Variants in FSIP1 observed in about 807,000 individuals in gnomAD.
The protein encoded by FSIP1 is fibrous sheath-interacting protein 1.
Under a neutral mutation model 60.9 loss-of-function variants are expected in FSIP1, and 65 were observed. That is an observed-to-expected ratio of 1.07 (90% CI 0.87 to 1.31). The LOEUF (loss-of-function observed/expected upper bound fraction) is 1.31, where lower values mean the gene tolerates loss of function less well. FSIP1 is among the 40% of genes most tolerant of loss of function. The pLI, the probability that FSIP1 is intolerant of heterozygous loss-of-function variation, is 0.00. For missense variants in FSIP1, 675 were observed against 665.5 expected, an observed-to-expected ratio of 1.01 and a Z score of -0.16; for synonymous variants, 209 against 221.2, an observed-to-expected ratio of 0.94 and a Z score of 0.49.
At chr15:39,630,604 C>A (rs1891843164) in intron 10 of FSIP1, among the ~76,000 whole-genome samples, 2 of 152,234 alleles carry the variant, frequency 1.3e-5, no homozygotes, top group Non-Finnish European at 2.9e-5. Context: ...CCATTTACCT[C>A]TTCCAACTAC....
chr15:39,652,140 C>A (rs1892897243), intron 10 of FSIP1, among the ~76,000 whole-genome samples: 1 of 152,184 alleles, frequency 6.6e-6, no homozygotes, highest in South Asian at 2.1e-4. Flanking sequence ...CTCCATAGTT[C>A]CCTTCCAGCT....
chr15:39,734,799 T>G (rs1896546199), intron 8 of FSIP1, among the ~76,000 whole-genome samples: 1 of 152,044 alleles, frequency 6.6e-6, no homozygotes, highest in Non-Finnish European at 1.5e-5. Flanking sequence ...TTAAATATGC[T>G]CATATTGATA....
At chr15:39,772,954 G>A (rs763641250) in intron 2 of FSIP1, among the ~76,000 whole-genome samples, 81 of 151,810 alleles carry the variant, frequency 5.3e-4, no homozygotes, top group Admixed American at 5.9e-4. Flanking sequence ...CACAGGAAAC[G>A]CAAATACCTC....
intron 7 of FSIP1, 141 bp downstream of exon 7, chr15:39,739,524 T>C: frequency 1.4e-6 from 1 of 723,042 alleles, no homozygotes; most frequent in Non-Finnish European, 2.2e-6. Context: ...CATAAAAGTT[T>C]TCTTTCATTA....
chr15:39,701,885 T>G (rs1199506159), intron 10 of FSIP1, among the ~76,000 whole-genome samples: 1 of 152,144 alleles, frequency 6.6e-6, no homozygotes, highest in Non-Finnish European at 1.5e-5. Flanking sequence ...TTGTGGGAAT[T>G]TATTAAGGTC....
chr15:39,672,883 G>C (rs1305045491), intron 10 of FSIP1, among the ~76,000 whole-genome samples: 1 of 152,188 alleles, frequency 6.6e-6, no homozygotes, highest in Non-Finnish European at 1.5e-5. Context: ...TGGATGAGAT[G>C]GGGTAGGATG....
chr15:39,726,576 GT>G lies in FSIP1; in HGVS notation c.1050+12del. 6.2e-7 allele frequency: 1 copy of G among 1,613,472 alleles called. No homozygotes were observed. The highest frequency in any genetic ancestry group is 2.2e-5 in the East Asian group (1 of 44,866). On this transcript the variant is annotated intron_variant, in intron 9 of 11. Coordinates refer to ENST00000350221, the MANE Select transcript of FSIP1 (RefSeq NM_152597.5). Reference sequence around the variant, plus strand: ...ACACATTAACTTGAACAGTCTATGGGTTCTTCAAATACCTGATTATTCCGAT... The same window carrying G: ...ACACATTAACTTGAACAGTCTATGGGTCTTCAAATACCTGATTATTCCGAT...
chr15:39,626,879 T>G (rs977363681), intron 10 of FSIP1, among the ~76,000 whole-genome samples: 1 of 152,158 alleles, frequency 6.6e-6, no homozygotes, highest in Non-Finnish European at 1.5e-5. Context: ...TCCAGAGACA[T>G]GAGCCCTTAA....
chr15:39,698,461 G>A (rs1894914525), intron 10 of FSIP1, among the ~76,000 whole-genome samples: 1 of 152,120 alleles, frequency 6.6e-6, no homozygotes, highest in Non-Finnish European at 1.5e-5. Flanking sequence ...GTCTTCATCA[G>A]TGGCATTACT....
At chr15:39,631,629 T>C (rs2412418) in intron 10 of FSIP1, among the ~76,000 whole-genome samples, 52,182 of 152,042 alleles carry the variant, frequency 0.34, 9,698 homozygotes, top group African/African-American at 0.49. Context: ...TGCCCAAGCG[T>C]AATAAAAAGC....
At chr15:39,679,353 C>A (rs972811421) in intron 10 of FSIP1, among the ~76,000 whole-genome samples, 8 of 152,128 alleles carry the variant, frequency 5.3e-5, no homozygotes, top group African/African-American at 1.9e-4. Flanking sequence ...CCTGTTGCGC[C>A]GACAAACTGA....
chr15:39,723,116 A>G (rs1365240342), intron 9 of FSIP1, among the ~76,000 whole-genome samples: 1 of 152,220 alleles, frequency 6.6e-6, no homozygotes, highest in Non-Finnish European at 1.5e-5. Flanking sequence ...CCCATTACCT[A>G]AAGAACCTTA....
chr15:39,626,890 T>A lies in FSIP1; in HGVS notation c.1189-8645A>T, dbSNP rs182031596. Reference sequence around the variant, plus strand: ...GCTTTCCAGAGACATGAGCCCTTAATACTTGATCAGTGCCACGATCACCAG... The same window carrying A: ...GCTTTCCAGAGACATGAGCCCTTAAAACTTGATCAGTGCCACGATCACCAG... On this transcript the variant is annotated intron_variant, in intron 10 of 11. Transcript: ENST00000350221. 9.2e-5 allele frequency among the ~76,000 whole-genome samples: 14 copies of A among 152,306 alleles called. No homozygotes were observed. The East Asian group carries it at 2.7e-3, about 29-fold the overall frequency.
At chr15:39,710,116 C>T (rs1240978338) in intron 10 of FSIP1, among the ~76,000 whole-genome samples, 1 of 152,130 alleles carries the variant, frequency 6.6e-6, no homozygotes. Flanking sequence ...CAACAGGTCA[C>T]GTGGTACACA....
intron 4 of FSIP1, among the ~76,000 whole-genome samples, 183 bp from the exon 5 acceptor site, chr15:39,764,097 CAGAT>C (rs1207079271): frequency 6.6e-6 from 1 of 151,992 alleles, no homozygotes; most frequent in Non-Finnish European, 1.5e-5. Context: ...TGGGTATTCC[CAGAT>C]AGAGTCAGAG....
chr15:39,704,177 G>A (rs1413447283), intron 10 of FSIP1, among the ~76,000 whole-genome samples: 1 of 152,158 alleles, frequency 6.6e-6, no homozygotes, highest in East Asian at 1.9e-4. Context: ...AAGAACAAAA[G>A]TTGTATACTC....
chr15:39,752,618 C>G (rs945694483), intron 5 of FSIP1, among the ~76,000 whole-genome samples: 7 of 151,838 alleles, frequency 4.6e-5, no homozygotes, highest in Admixed American at 4.6e-4. Context: ...AAATACCTGA[C>G]CAGTACTCCT....
intron 4 of FSIP1, 57 bp downstream of exon 4, chr15:39,765,535 T>A: frequency 7.4e-7 from 1 of 1,357,412 alleles, no homozygotes; most frequent in East Asian, 2.4e-5. Flanking sequence ...TGAGCCACCA[T>A]GCCCAGCCAG....
chr15:39,741,057 C>A (rs1019795759), intron 6 of FSIP1, among the ~76,000 whole-genome samples: 3 of 152,036 alleles, frequency 2.0e-5, no homozygotes, highest in Non-Finnish European at 4.4e-5. Context: ...CTAATAGATA[C>A]AAAATATAAC....
Sources: gnomAD v4.1 joint callset for allele counts (sites outside exome capture counted in the v4.1 genomes callset) on GRCh38, gnomAD v4.1.1 for gene constraint, MANE v1.5 for transcripts, NCBI Gene and HGNC (gene_info 2026-07-23, HGNC 2026-07-21) for gene names.